Variants in LRP4 observed in about 807,000 individuals in gnomAD.
The protein encoded by LRP4 is low-density lipoprotein receptor-related protein 4.
A neutral mutation model predicts 220.3 loss-of-function variants in LRP4; 95 were observed. The observed-to-expected ratio is 0.43, with a 90% CI of 0.37 to 0.51. LRP4 has a LOEUF of 0.51. Among genes scored for constraint, LRP4 ranks in the 20% least tolerant of loss-of-function variants. The probability of loss-of-function intolerance (pLI) is 0.00; values close to 1 mark genes in which losing one functional copy is unlikely to be tolerated. For synonymous variants in LRP4, 903 were observed against 954.6 expected (o/e 0.95, Z 1.00); for missense variants, 1,925 against 2,567.0 (o/e 0.75, Z 5.40).
rs997818747 is a variant in LRP4, at chr11:46,890,935, C to T, written c.1698-441G>A. 6.6e-6 allele frequency among the ~76,000 whole-genome samples: 1 copy of T among 151,802 alleles called. No individual in the cohort carries two copies. The highest frequency in any genetic ancestry group is 2.4e-5 in the African/African-American group (1 of 41,296). On this transcript the variant is annotated intron_variant, in intron 13 of 37. Transcript: ENST00000378623. This position sits in a 1 kb window ranked among gnomAD's most constrained non-coding sequence, Gnocchi z 5.3. Reference sequence around the variant, plus strand: ...GTGTCTGAGTTTAAATGTCTTTAGACAGGGCATTTATTCATTTAATAATTT... The same window carrying T: ...GTGTCTGAGTTTAAATGTCTTTAGATAGGGCATTTATTCATTTAATAATTT...
chr11:46,868,489 C>T, intron 33 of LRP4, 111 bp downstream of exon 33: 1 of 856,972 alleles, frequency 1.2e-6, no homozygotes, highest in Non-Finnish European at 2.0e-6. Flanking sequence ...ATAAGACCTT[C>T]TTTATGGGGA....
chr11:46,903,300 C>T (rs745366758), intron 1 of LRP4, among the ~76,000 whole-genome samples: 1 of 152,044 alleles, frequency 6.6e-6, no homozygotes, highest in African/African-American at 2.4e-5. Flanking sequence ...TCAAGACCAT[C>T]GTGGGCAACA....
rs989291098 is a variant in LRP4 at position 46,909,639 on chromosome 11, A to AAG, written c.53-6712_53-6711dup. 2.7e-4 allele frequency among the ~76,000 whole-genome samples: 40 copies of AAG among 147,424 alleles called. 3 individuals are homozygous for AAG. Among genetic ancestry groups the AAG allele is most frequent in the Non-Finnish European group, 1.5e-5 (1 of 67,026 alleles). On this transcript the variant is annotated intron_variant, in intron 1 of 37. Transcript: ENST00000378623. Reference sequence around the variant, plus strand: ...AAAAAAAAAAAAAAAAAAAAAAAAAAAGGAGGAATCACCATTCGTTTATAA... The same window carrying AAG: ...AAAAAAAAAAAAAAAAAAAAAAAAAAAGAGGAGGAATCACCATTCGTTTATAA...
chr11:46,909,117 A>C (rs1941810676), intron 1 of LRP4, among the ~76,000 whole-genome samples: 1 of 152,108 alleles, frequency 6.6e-6, no homozygotes, highest in South Asian at 2.1e-4. Context: ...ACTGCTCTCC[A>C]CCATTCCATA....
chr11:46,869,241 T>A, intron 31 of LRP4, 109 bp from the exon 32 acceptor site: 1 of 981,226 alleles, frequency 1.0e-6, no homozygotes, highest in South Asian at 1.4e-5. Context: ...TGAAATGCCC[T>A]CTTCATCTCT....
intron 1 of LRP4, among the ~76,000 whole-genome samples, chr11:46,917,910 G>A (rs1188509350): frequency 6.6e-6 from 1 of 152,076 alleles, no homozygotes; most frequent in Admixed American, 6.5e-5. Flanking sequence ...AGGAAGGAGG[G>A]CTATTTACAA....
intron 37 of LRP4, among the ~76,000 whole-genome samples, chr11:46,859,973 A>G (rs952005569): frequency 6.6e-6 from 1 of 152,038 alleles, no homozygotes. Flanking sequence ...GGTGGCTTAC[A>G]CCTGTAATCC....
intron 31 of LRP4, 26 bp from the exon 32 acceptor site, chr11:46,869,158 CA>C (rs769415830): frequency 6.2e-7 from 1 of 1,610,882 alleles, no homozygotes; most frequent in South Asian, 1.1e-5. Context: ...AGCCCAAAAA[CA>C]GTAAATATTA....
intron 19 of LRP4, among the ~76,000 whole-genome samples, chr11:46,883,560 G>T (rs1941211581): frequency 6.6e-6 from 1 of 152,194 alleles, no homozygotes; most frequent in Admixed American, 6.5e-5. Context: ...CTAATGACTG[G>T]CTTGCTGTTA....
Position 46,874,701 on chromosome 11 carries a change from T to A in LRP4, c.4229+99A>T, listed in dbSNP as rs1307246287. On this transcript the variant is annotated intron_variant, in intron 28 of 37. Coordinates refer to ENST00000378623, the MANE Select transcript of LRP4 (RefSeq NM_002334.4). ...CAGGATTAAAACTCACTATCCAAAG[T>A]GCCAAATCACTCATCCATTTAGTGG... 7.0e-6 allele frequency: 7 copies of A among 996,564 alleles called. No homozygotes were observed. The East Asian group carries it at 1.7e-4, about 24-fold the overall frequency. The allele number at this position is 996,564 out of a possible 1,614,324, so 61.7% of individuals were successfully genotyped here. A position where few individuals can be genotyped will look rare whatever the true frequency, so the allele number is the denominator to read the frequency against.
chr11:46,908,993 T>A (rs1467255086), intron 1 of LRP4, among the ~76,000 whole-genome samples: 1 of 152,246 alleles, frequency 6.6e-6, no homozygotes, highest in Non-Finnish European at 1.5e-5. Context: ...AGAGCCAGGA[T>A]GGCAGCCCCA....
At chr11:46,878,866 C>G in intron 22 of LRP4, 41 bp downstream of exon 22, 1 of 1,613,172 alleles carries the variant, frequency 6.2e-7, no homozygotes, top group Non-Finnish European at 8.5e-7. Flanking sequence ...ATTGCCCCCT[C>G]CCAGAGAGGC....
chr11:46,889,639 A>ACTATGTCTT, intron 15 of LRP4, 106 bp from the exon 16 acceptor site: 1 of 1,480,982 alleles, frequency 6.8e-7, no homozygotes. Flanking sequence ...GAAGGGAGAA[A>ACTATGTCTT]CTATGTCTTA....
At chr11:46,915,648 A>G (rs969770731) in intron 1 of LRP4, among the ~76,000 whole-genome samples, 5 of 152,166 alleles carry the variant, frequency 3.3e-5, no homozygotes, top group African/African-American at 1.2e-4. Context: ...GGTTCAAGCA[A>G]TTCTCCTGCC....
At chr11:46,865,820 G>A (rs900874894) in intron 34 of LRP4, among the ~76,000 whole-genome samples, 4 of 152,306 alleles carry the variant, frequency 2.6e-5, no homozygotes, top group African/African-American at 4.8e-5. Context: ...AGGTCCGAGC[G>A]GGGTCAAAAG....
rs1354911777 is a variant in LRP4 at position 46,918,540 on chromosome 11, G to T, written c.-161C>A. ...GCCGCCGCCGCCTCCAGTGCTGCCA[G>T]AGCCGACGCTGCCCCGCCAGGGGAC... On this transcript the variant is annotated 5_prime_UTR_variant, in exon 1 of 38. The change creates a new upstream start codon in the 5' untranslated region. Coordinates refer to ENST00000378623, the MANE Select transcript of LRP4 (RefSeq NM_002334.4). This position sits in a 1 kb window ranked among gnomAD's most constrained non-coding sequence, Gnocchi z 6.0. 3.5e-6 allele frequency: 1 copy of T among 288,598 alleles called. No individual in the cohort carries two copies. Among genetic ancestry groups the T allele is most frequent in the Non-Finnish European group, 5.7e-6 (1 of 176,792 alleles). 17.9% of individuals were successfully genotyped at this position (288,598 alleles called of 1,614,324 possible).
intron 34 of LRP4, among the ~76,000 whole-genome samples, chr11:46,866,218 G>A (rs1327228578): frequency 1.3e-5 from 2 of 150,636 alleles, no homozygotes; most frequent in African/African-American, 2.4e-5. Flanking sequence ...TTATATATAG[G>A]TATAGGATAT....
At position 46,881,868 on chromosome 11, in the gene LRP4, T is replaced by G. The variant is rs1941171000; in HGVS notation, c.2648A>C (p.Lys883Thr). The change falls in exon 20 of 38, where the codon AAG becomes ACG. Residue 883 changes from lysine (K) to threonine (T), a missense_variant. Physicochemically the swap from Lys to Thr is moderately conservative, Grantham distance 78 (BLOSUM62 -1). This residue lies in a region of LRP4 where 1,244 missense variants were observed against 1,624.9 expected (regional missense o/e 0.77). Coordinates refer to ENST00000378623, the MANE Select transcript of LRP4 (RefSeq NM_002334.4). ...MYWTDWGASPKIERAGMDASG... is the reference protein window; with the variant it reads ...MYWTDWGASPTIERAGMDASG... ...GGCATCCATGCCAGCTCGTTCAATC[T>G]TGGGGCTCGCACCCCAGTCAGTCCA... 1.2e-6 allele frequency: 2 copies of G among 1,614,220 alleles called. No homozygotes were observed. The highest frequency in any genetic ancestry group is 1.7e-6 in the Non-Finnish European group (2 of 1,180,034).
In LRP4 at chr11:46,881,753, G is replaced by C; in HGVS notation, c.2763C>G (p.Asp921Glu). The C allele has an allele frequency of 1.2e-6, 2 of 1,613,820 alleles. No individual in the cohort carries two copies. The highest frequency in any genetic ancestry group is 2.2e-5 in the East Asian group (1 of 44,744). ...CAAATTCAATTGTCTTCATGCCGGC[G>C]TCAGCCCAGTATAGACGCTGGGACC... ...DYGSQRLYWA[D>E]AGMKTIEFAG... Residue 921 changes from aspartate to glutamate, a missense_variant, in exon 20 of 38, where the codon GAC (aspartate) becomes GAG (glutamate). Coordinates refer to ENST00000378623, the MANE Select transcript of LRP4 (RefSeq NM_002334.4).
Sources: allele counts gnomAD v4.1 joint callset (sites outside exome capture counted in the v4.1 genomes callset), GRCh38; gene constraint gnomAD v4.1.1; regional missense constraint gnomAD v4.1.1; non-coding constraint Gnocchi (gnomAD v3.1); transcripts MANE v1.5; gene names NCBI Gene and HGNC (gene_info 2026-07-23, HGNC 2026-07-21).